TENM2: variants seen among roughly 807,000 people sequenced by gnomAD.
TENM2 encodes teneurin transmembrane protein 2.
TENM2 carries 52 observed loss-of-function variants against 245.2 expected under a neutral mutation model. The observed-to-expected ratio is 0.21, with a 90% CI of 0.17 to 0.27. The LOEUF is 0.27. Ranked by LOEUF, TENM2 falls within the 10% of genes least tolerant of loss-of-function variation. The probability of loss-of-function intolerance (pLI) is 1.00; values close to 1 mark genes in which losing one functional copy is unlikely to be tolerated. For missense variants in TENM2, 3,046 were observed against 3,666.8 expected (o/e 0.83, Z 4.37); for synonymous variants, 1,363 against 1,438.9 (o/e 0.95, Z 1.19).
chr5:167,407,243 T>C (rs1302012953), intron 2 of TENM2, among the ~76,000 whole-genome samples: 1 of 152,124 alleles, frequency 6.6e-6, no homozygotes, highest in Non-Finnish European at 1.5e-5. Flanking sequence ...CTCAAATATC[T>C]ATAAGAACCA....
chr5:168,083,273 G>A (rs1331920348), intron 7 of TENM2, among the ~76,000 whole-genome samples: 1 of 152,204 alleles, frequency 6.6e-6, no homozygotes, highest in Non-Finnish European at 1.5e-5. Context: ...ATAATCTCCT[G>A]GTGTGCCGTT....
chr5:167,409,258 G>GA (rs1265143354), intron 2 of TENM2, among the ~76,000 whole-genome samples: 1 of 151,872 alleles, frequency 6.6e-6, no homozygotes, highest in Non-Finnish European at 1.5e-5. Flanking sequence ...TGTGTGCAGT[G>GA]AAAAAGGGTG....
At chr5:167,022,929 T>C in the TENM2 span, among the ~76,000 whole-genome samples, 1 of 152,256 alleles carries the variant, frequency 6.6e-6, no homozygotes, top group South Asian at 2.1e-4. Flanking sequence ...TGTTCAAATG[T>C]ATGCTAAGTT....
intron 3 of TENM2, among the ~76,000 whole-genome samples, chr5:167,937,052 A>G (rs1345499928): frequency 6.6e-6 from 1 of 152,220 alleles, no homozygotes; most frequent in Non-Finnish European, 1.5e-5. Context: ...ATGTTTTGAT[A>G]TATGTACATT....
At chr5:167,278,094 A>G in the TENM2 span, among the ~76,000 whole-genome samples, 1 of 151,452 alleles carries the variant, frequency 6.6e-6, no homozygotes. Flanking sequence ...TCTTGGGCCC[A>G]GGAGTTGAAG....
At chr5:167,514,692 C>T (rs1770199676) in intron 2 of TENM2, among the ~76,000 whole-genome samples, 1 of 152,116 alleles carries the variant, frequency 6.6e-6, no homozygotes, top group African/African-American at 2.4e-5. Context: ...GGCAGCAAGC[C>T]AGAGGGAGGG....
chr5:168,104,734 A>G (rs1794108151), intron 9 of TENM2, among the ~76,000 whole-genome samples: 1 of 152,026 alleles, frequency 6.6e-6, no homozygotes, highest in Non-Finnish European at 1.5e-5. Flanking sequence ...CGTTTGCAAG[A>G]GCGTTTATTC....
At chr5:168,140,181 T>C (rs1011935143) in intron 12 of TENM2, among the ~76,000 whole-genome samples, 2 of 152,204 alleles carry the variant, frequency 1.3e-5, no homozygotes, top group Non-Finnish European at 2.9e-5. Flanking sequence ...TGCACTTGCA[T>C]GGTGAATTTT....
chr5:167,460,120 T>A (rs1305949938), intron 2 of TENM2, among the ~76,000 whole-genome samples: 1 of 152,184 alleles, frequency 6.6e-6, no homozygotes, highest in East Asian at 1.9e-4. Context: ...GAGTTTAGAA[T>A]ACTGAGGTCC....
chr5:167,253,685 G>C, the TENM2 span, among the ~76,000 whole-genome samples: 1 of 152,020 alleles, frequency 6.6e-6, no homozygotes, highest in Non-Finnish European at 1.5e-5. Flanking sequence ...TACTCTTTAA[G>C]ATGATTAATT....
At chr5:168,023,500 G>A (rs1786341729) in intron 5 of TENM2, among the ~76,000 whole-genome samples, 1 of 152,188 alleles carries the variant, frequency 6.6e-6, no homozygotes, top group East Asian at 1.9e-4. Context: ...CCTCTCACTG[G>A]CCTGCCCAGG....
intron 2 of TENM2, among the ~76,000 whole-genome samples, chr5:167,622,647 G>T (rs1778251750): frequency 6.6e-6 from 1 of 152,074 alleles, no homozygotes; most frequent in Non-Finnish European, 1.5e-5. Context: ...CCAGCTCCAG[G>T]TACATTGTGT....
the TENM2 span, among the ~76,000 whole-genome samples, chr5:166,998,931 GA>G: frequency 6.6e-6 from 1 of 151,602 alleles, no homozygotes; most frequent in African/African-American, 2.4e-5. Flanking sequence ...AGGTTGTGAA[GA>G]AAAAAGGATT....
Position 167,612,677 on chromosome 5 carries a change from T to C in TENM2, c.502+237204T>C, listed in dbSNP as rs530677252. Among the ~76,000 whole-genome samples, 7 of 152,278 alleles carry C rather than the reference T, an allele frequency of 4.6e-5. No homozygotes were observed. In the East Asian group the frequency reaches 1.4e-3, roughly 29 times the overall value. On this transcript the variant is annotated intron_variant, in intron 2 of 28. Transcript: ENST00000518659. ...TCAGTGAATTGGATTTGACAAACTG[T>C]TATCATACATTGACTACAAGCATGC...
chr5:167,329,041 C>A (rs1011373833), intron 1 of TENM2, among the ~76,000 whole-genome samples: 2 of 152,100 alleles, frequency 1.3e-5, no homozygotes, highest in Non-Finnish European at 2.9e-5. Context: ...TTAGTACCTT[C>A]CAGAATAAAT....
At chr5:168,261,927 AG>A in intron 28 of TENM2, 121 bp from the exon 31 acceptor site, 1 of 928,016 alleles carries the variant, frequency 1.1e-6, no homozygotes, top group Non-Finnish European at 1.6e-6. Flanking sequence ...CCAACAGCTC[AG>A]ATCTGGATAG....
chr5:167,600,086 C>CA, intron 2 of TENM2, among the ~76,000 whole-genome samples: 1 of 110,746 alleles, frequency 9.0e-6, no homozygotes, highest in African/African-American at 3.3e-5. Flanking sequence ...GCGGAGTTTG[C>CA]TTCATTTATA....
intron 2 of TENM2, among the ~76,000 whole-genome samples, chr5:167,712,136 A>G (rs192132506): frequency 5.9e-5 from 9 of 152,298 alleles, no homozygotes; most frequent in Admixed American, 1.3e-4. Flanking sequence ...CTCGATCTTA[A>G]TTAGCCCCCA....
the TENM2 span, among the ~76,000 whole-genome samples, chr5:167,105,279 G>A: frequency 6.6e-6 from 1 of 152,100 alleles, no homozygotes; most frequent in Non-Finnish European, 1.5e-5. Context: ...ACCTTGGCTG[G>A]TTCTTGAACA....
Sources: gnomAD v4.1 joint callset for allele counts (sites outside exome capture counted in the v4.1 genomes callset) on GRCh38, gnomAD v4.1.1 for gene constraint, MANE v1.5 for transcripts, NCBI Gene and HGNC (gene_info 2026-07-23, HGNC 2026-07-21) for gene names.